The following CNTNAP5 variants were observed in gnomAD, a reference collection of about 807,000 sequenced individuals.
The protein encoded by CNTNAP5 is contactin associated protein family member 5.
In CNTNAP5, 72 loss-of-function variants were observed where a neutral mutation model predicts 150.2. The ratio of observed to expected loss-of-function variants is 0.48; its 90% confidence interval spans 0.40 to 0.58. CNTNAP5 has a LOEUF of 0.58. Ranked by LOEUF, CNTNAP5 falls within the 20% of genes least tolerant of loss-of-function variation. The pLI is 0.00. For missense variants in CNTNAP5, 1,636 were observed against 1,626.2 expected (o/e 1.01, Z -0.10); for synonymous variants, 672 against 619.8 (o/e 1.08, Z -1.25).
chr2:124,671,549 G>A (rs1485840738), intron 13 of CNTNAP5, among the ~76,000 whole-genome samples: 2 of 152,126 alleles, frequency 1.3e-5, no homozygotes, highest in Non-Finnish European at 2.9e-5. Flanking sequence ...TTTACAAAAA[G>A]CAGAATTTTC....
chr2:124,685,647 A>G (rs1346011343), intron 13 of CNTNAP5, among the ~76,000 whole-genome samples: 2 of 152,078 alleles, frequency 1.3e-5, no homozygotes, highest in African/African-American at 2.4e-5. Context: ...TTTAAAACGA[A>G]TGCAATTTAT....
chr2:124,722,313 T>C (rs957357954), intron 13 of CNTNAP5, among the ~76,000 whole-genome samples: 4 of 152,066 alleles, frequency 2.6e-5, no homozygotes, highest in Non-Finnish European at 4.4e-5. Context: ...AAACTAAGTG[T>C]GAGATCCAAA....
At chr2:124,529,679 C>T (rs970982116) in intron 10 of CNTNAP5, among the ~76,000 whole-genome samples, 4 of 152,186 alleles carry the variant, frequency 2.6e-5, no homozygotes, top group Non-Finnish European at 5.9e-5. Flanking sequence ...TAATTGCAAA[C>T]TCTTTGCCTT....
intron 6 of CNTNAP5, among the ~76,000 whole-genome samples, chr2:124,447,667 TTAGAA>T (rs1176845938): frequency 1.3e-5 from 2 of 152,220 alleles, no homozygotes; most frequent in African/African-American, 4.8e-5. Flanking sequence ...CACTGGAAGT[TTAGAA>T]TAGAGAAATT....
At chr2:124,732,979 G>T (rs1680304645) in intron 13 of CNTNAP5, among the ~76,000 whole-genome samples, 1 of 152,152 alleles carries the variant, frequency 6.6e-6, no homozygotes, top group Non-Finnish European at 1.5e-5. Flanking sequence ...GTGACTTGGA[G>T]GTGGGTCTAT....
intron 1 of CNTNAP5, among the ~76,000 whole-genome samples, chr2:124,184,728 G>C (rs1008785281): frequency 1.3e-5 from 2 of 152,126 alleles, no homozygotes; most frequent in African/African-American, 4.8e-5. Context: ...CCATGGCTGA[G>C]ACCCAGAGAG....
chr2:124,344,096 A>G (rs533020357), intron 3 of CNTNAP5, among the ~76,000 whole-genome samples: 5 of 152,152 alleles, frequency 3.3e-5, no homozygotes, highest in African/African-American at 1.2e-4. Flanking sequence ...AGCACCACCC[A>G]TTAGTCCCCA....
chr2:124,775,953 G>A (rs948858534), intron 17 of CNTNAP5, among the ~76,000 whole-genome samples: 5 of 152,158 alleles, frequency 3.3e-5, no homozygotes, highest in African/African-American at 1.2e-4. Context: ...TTCCTGGTCA[G>A]ATGCCAACAA....
chr2:124,407,697 G>A (rs913854302), intron 3 of CNTNAP5, among the ~76,000 whole-genome samples: 1 of 152,138 alleles, frequency 6.6e-6, no homozygotes, highest in African/African-American at 2.4e-5. Flanking sequence ...GCATTGTATA[G>A]GATTAGAGAT....
chr2:124,739,613 A>C (rs1394538967), intron 13 of CNTNAP5, among the ~76,000 whole-genome samples: 3 of 152,162 alleles, frequency 2.0e-5, no homozygotes, highest in Admixed American at 6.5e-5. Context: ...AAGCATGTTT[A>C]GTATGTACAG....
intron 11 of CNTNAP5, among the ~76,000 whole-genome samples, chr2:124,574,924 A>G (rs555352155): frequency 9.9e-5 from 15 of 152,198 alleles, no homozygotes; most frequent in Non-Finnish European, 2.1e-4. Context: ...TGTGAGCCTC[A>G]TTTGTGCCAT....
intron 19 of CNTNAP5, among the ~76,000 whole-genome samples, chr2:124,822,162 C>A (rs1682505428): frequency 6.6e-6 from 1 of 152,120 alleles, no homozygotes; most frequent in African/African-American, 2.4e-5. Context: ...TGCTCTGTAG[C>A]CTCAGGACTT....
intron 19 of CNTNAP5, among the ~76,000 whole-genome samples, chr2:124,813,511 GTAGA>G (rs1682285535): frequency 6.8e-6 from 1 of 147,614 alleles, no homozygotes; most frequent in South Asian, 2.1e-4. Flanking sequence ...CCTAGCTTGG[GTAGA>G]TCTATTTGGC....
chr2:124,536,824 T>C (rs1227439275), intron 10 of CNTNAP5, among the ~76,000 whole-genome samples: 1 of 151,636 alleles, frequency 6.6e-6, no homozygotes, highest in East Asian at 1.9e-4. Context: ...AAAGCTGGGG[T>C]TGGGAAGGGC....
intron 1 of CNTNAP5, among the ~76,000 whole-genome samples, chr2:124,065,649 C>G (rs1682134451): frequency 1.3e-5 from 2 of 152,120 alleles, no homozygotes; most frequent in South Asian, 4.1e-4. Flanking sequence ...AAAACTGAAA[C>G]TTATCATTAT....
At chr2:124,665,811 G>A (rs868838488) in intron 13 of CNTNAP5, among the ~76,000 whole-genome samples, 6 of 151,812 alleles carry the variant, frequency 4.0e-5, no homozygotes, top group African/African-American at 9.7e-5. Flanking sequence ...GCGGGAACCC[G>A]GGAGGAAGAG....
chr2:124,274,930 T>A (rs1687849900), intron 3 of CNTNAP5, among the ~76,000 whole-genome samples: 1 of 152,140 alleles, frequency 6.6e-6, no homozygotes. Context: ...GATAAAGACA[T>A]ACCAGAGACT....
At chr2:124,199,197 AAAATG>A (rs1355444114) in intron 1 of CNTNAP5, among the ~76,000 whole-genome samples, 3 of 152,104 alleles carry the variant, frequency 2.0e-5, no homozygotes, top group Non-Finnish European at 4.4e-5. Flanking sequence ...CTGGAAGGAG[AAAATG>A]AAAGGACAGA....
chr2:124,084,924 G>GTTTTTTGTTTTT lies in CNTNAP5; in HGVS notation c.82+59198_82+59199insGTTTTTTTTTTT, dbSNP rs1553435820. Among the ~76,000 whole-genome samples, 31 of 89,978 alleles carry GTTTTTTGTTTTT rather than the reference G, an allele frequency of 3.4e-4. 2 individuals are homozygous for GTTTTTTGTTTTT. Among genetic ancestry groups the GTTTTTTGTTTTT allele is most frequent in the African/African-American group, 1.3e-3 (31 of 23,752 alleles). 59.0% of individuals were successfully genotyped at this position (89,978 alleles called of 152,430 possible). ...TAAAAATTATGAATTCAAGTTTCCT[G>GTTTTTTGTTTTT]TTTTTTTTTTTTTTTGAGACGGAGT... On this transcript the variant is annotated intron_variant, in intron 1 of 23. Coordinates refer to ENST00000682447, the MANE Select transcript of CNTNAP5 (RefSeq NM_001367498.1).
Sources: allele counts gnomAD v4.1 joint callset (sites outside exome capture counted in the v4.1 genomes callset), GRCh38; gene constraint gnomAD v4.1.1; transcripts MANE v1.5; gene names NCBI Gene and HGNC (gene_info 2026-07-23, HGNC 2026-07-21).